Variants in SHANK2 observed in about 807,000 individuals in gnomAD.
SHANK2 encodes SH3 and multiple ankyrin repeat domains 2, also known as SH3 and multiple ankyrin repeat domains protein 2.
A neutral mutation model predicts 133.7 loss-of-function variants in SHANK2; 43 were observed. The ratio of observed to expected loss-of-function variants is 0.32; its 90% CI spans 0.25 to 0.41. SHANK2 has a LOEUF of 0.41. Ranked by LOEUF, SHANK2 falls within the 10% of genes least tolerant of loss-of-function variation. The pLI is 1.00. For missense variants in SHANK2, 1,994 were observed against 2,235.8 expected, an observed-to-expected ratio of 0.89 and a Z score of 2.18; for synonymous variants, 1,017 against 952.8, an observed-to-expected ratio of 1.07 and a Z score of -1.24.
intron 11 of SHANK2, among the ~76,000 whole-genome samples, chr11:70,854,163 G>A (rs547088935): frequency 6.6e-6 from 1 of 152,296 alleles, no homozygotes; most frequent in South Asian, 2.1e-4. Context: ...CCTTGCTTTT[G>A]TGTAATTTCT....
intron 14 of SHANK2, among the ~76,000 whole-genome samples, chr11:70,758,526 A>G (rs1321579435): frequency 6.6e-6 from 1 of 152,250 alleles, no homozygotes; most frequent in African/African-American, 2.4e-5. Context: ...ATCGAGCTGA[A>G]TAGAGCTGTA....
At chr11:70,890,321 T>C (rs961688906) in intron 11 of SHANK2, among the ~76,000 whole-genome samples, 2 of 151,718 alleles carry the variant, frequency 1.3e-5, no homozygotes, top group African/African-American at 4.8e-5. Flanking sequence ...CTGGCCAATA[T>C]GGTGAAACCC....
intron 14 of SHANK2, among the ~76,000 whole-genome samples, chr11:70,718,608 A>G (rs1164526245): frequency 6.6e-6 from 1 of 151,992 alleles, no homozygotes; most frequent in Non-Finnish European, 1.5e-5. Context: ...CTCGGCTTTC[A>G]AATACTTCCC....
At chr11:71,169,350 C>G (rs997877323) in intron 2 of SHANK2, among the ~76,000 whole-genome samples, 1 of 152,204 alleles carries the variant, frequency 6.6e-6, no homozygotes, top group Non-Finnish European at 1.5e-5. Flanking sequence ...TGAAGTCTGA[C>G]TGGCTTTGCT....
chr11:71,200,679 C>G (rs1954001122), intron 2 of SHANK2, among the ~76,000 whole-genome samples: 1 of 152,136 alleles, frequency 6.6e-6, no homozygotes, highest in Non-Finnish European at 1.5e-5. Flanking sequence ...TTAACCAATA[C>G]CATGGGTATG....
chr11:70,709,877 C>T (rs908355716), intron 14 of SHANK2, among the ~76,000 whole-genome samples: 6 of 143,008 alleles, frequency 4.2e-5, no homozygotes, highest in South Asian at 5.1e-4. Context: ...ACCAGTGGGG[C>T]GGGTGGGCTC....
chr11:71,083,677 G>A (rs1951332992), intron 8 of SHANK2, among the ~76,000 whole-genome samples: 2 of 152,286 alleles, frequency 1.3e-5, no homozygotes, highest in East Asian at 1.9e-4. Context: ...TCAGCACATG[G>A]AAACGCAGGG....
chr11:70,556,393 T>TTCTCTC (rs1157375439), intron 17 of SHANK2, among the ~76,000 whole-genome samples: 9 of 11,962 alleles, frequency 7.5e-4, no homozygotes, highest in South Asian at 4.8e-3. Context: ...CTTTCTTTCT[T>TTCTCTC]TCTCTCTCTC....
chr11:71,090,537 CCTCT>C (rs1178857145), intron 8 of SHANK2, among the ~76,000 whole-genome samples: 1 of 3,524 alleles, frequency 2.8e-4, no homozygotes, highest in African/African-American at 1.5e-3. Flanking sequence ...AGAAACACAA[CCTCT>C]GTGTGTGTGT....
intron 17 of SHANK2, among the ~76,000 whole-genome samples, chr11:70,521,834 C>T (rs566709608): frequency 5.9e-4 from 90 of 152,348 alleles, no homozygotes; most frequent in African/African-American, 2.1e-3. Context: ...CTCCCAGAGA[C>T]GCTCCCTGCA....
chr11:70,747,278 G>A (rs1236112274), intron 14 of SHANK2, among the ~76,000 whole-genome samples: 2 of 152,058 alleles, frequency 1.3e-5, no homozygotes, highest in Non-Finnish European at 2.9e-5. Context: ...TCGGTGCCAT[G>A]CTTAGGATTG....
At chr11:70,785,119 A>G (rs1555046153) in intron 14 of SHANK2, among the ~76,000 whole-genome samples, 1 of 151,948 alleles carries the variant, frequency 6.6e-6, no homozygotes, top group African/African-American at 2.4e-5. Context: ...CACAGACCTG[A>G]TTTCTGGGTA....
At chr11:71,090,172 CTGTG>C (rs1191382012) in intron 8 of SHANK2, among the ~76,000 whole-genome samples, 6 of 87,302 alleles carry the variant, frequency 6.9e-5, no homozygotes, top group South Asian at 5.0e-4. Context: ...GAAACACAAC[CTGTG>C]TGTGTGTGTG....
chr11:70,863,740 C>A (rs576522508), intron 11 of SHANK2: 2 of 446,656 alleles, frequency 4.5e-6, no homozygotes, highest in Non-Finnish European at 9.0e-6. Flanking sequence ...TTTACAGCTA[C>A]AGAGAGTCTT....
intron 14 of SHANK2, among the ~76,000 whole-genome samples, chr11:70,723,995 C>T (rs73527950): frequency 6.6e-6 from 1 of 151,572 alleles, no homozygotes; most frequent in Non-Finnish European, 1.5e-5. Context: ...CGCATCAAAC[C>T]CTGACTCCTC....
chr11:70,605,818 C>G (rs1312477825), intron 17 of SHANK2, among the ~76,000 whole-genome samples: 1 of 152,260 alleles, frequency 6.6e-6, no homozygotes, highest in East Asian at 1.9e-4. Context: ...GCAACAGGCC[C>G]CAGGACGGCA....
intron 14 of SHANK2, among the ~76,000 whole-genome samples, chr11:70,756,264 G>A (rs1301002837): frequency 6.6e-6 from 1 of 152,158 alleles, no homozygotes; most frequent in Non-Finnish European, 1.5e-5. Context: ...GCTCTGATGG[G>A]AAAGATCCTT....
At chr11:70,530,282 C>T (rs1554972933) in intron 17 of SHANK2, among the ~76,000 whole-genome samples, 1 of 152,156 alleles carries the variant, frequency 6.6e-6, no homozygotes, top group African/African-American at 2.4e-5. Context: ...ACTATGTTGC[C>T]CAGGCTGGTC....
At chr11:70,783,198 C>A (rs1404158591) in intron 14 of SHANK2, among the ~76,000 whole-genome samples, 1 of 152,122 alleles carries the variant, frequency 6.6e-6, no homozygotes, top group African/African-American at 2.4e-5. Context: ...TTTAGCCCTC[C>A]AGATCTCAGT....
Sources: gnomAD v4.1 joint callset for allele counts (sites outside exome capture counted in the v4.1 genomes callset) on GRCh38, gnomAD v4.1.1 for gene constraint, MANE v1.5 for transcripts, NCBI Gene and HGNC (gene_info 2026-07-23, HGNC 2026-07-21) for gene names.